The following RP1 variants were observed in gnomAD, a reference collection of about 807,000 sequenced individuals.
The protein encoded by RP1 is oxygen-regulated protein 1.
A neutral mutation model predicts 14.8 loss-of-function variants in RP1; 16 were observed. The observed-to-expected ratio is 1.08, with a 90% CI of 0.73 to 1.65. The LOEUF (loss-of-function observed/expected upper bound fraction) is 1.65, where lower values mean the gene tolerates loss of function less well. Among genes scored for constraint, RP1 ranks in the 40% most tolerant of loss-of-function variants. The pLI is 0.00. For synonymous variants in RP1, 876 were observed against 883.6 expected, an observed-to-expected ratio of 0.99 and a Z score of 0.15; for missense variants, 2,631 against 2,535.0, an observed-to-expected ratio of 1.04 and a Z score of -0.81.
In RP1 at chr8:54,621,439, T is replaced by C; in HGVS notation, c.473T>C (p.Val158Ala). The change falls in exon 2 of 4, where the codon GTC becomes GCC. Residue 158 changes from valine (V) to alanine (A), a missense_variant. Transcript: ENST00000220676. ...GMPRPPRSLVVFRNGDPKTRR... is the reference protein window; with the variant it reads ...GMPRPPRSLVAFRNGDPKTRR... ...CCCCGCCCCCCACGGAGCCTAGTGG[T>C]CTTCAGGAATGGCGACCCGAAGACG... The C allele has an allele frequency of 6.2e-7, 1 of 1,612,972 alleles. No homozygotes were observed. The highest frequency in any genetic ancestry group is 8.5e-7 in the Non-Finnish European group (1 of 1,179,816).
chr8:54,825,033 G>A (rs1458627562), intron 24 of RP1, among the ~76,000 whole-genome samples: 1 of 151,762 alleles, frequency 6.6e-6, no homozygotes, highest in East Asian at 1.9e-4. Flanking sequence ...GCAGTGGCGC[G>A]ATCTCCGCTC....
Position 54,630,259 on chromosome 8 carries a change from G to GAGGGTGAA in RP1, c.6377_6378insAGGGTGAA (p.Cys2126Ter), listed in dbSNP as rs1563333946. On this transcript the variant is annotated stop_gained and frameshift_variant, in exon 4 of 4. Coordinates refer to ENST00000220676, the MANE Select transcript of RP1 (RefSeq NM_006269.2). LOFTEE classifies it low-confidence loss of function (END_TRUNC). ...AGCAACAGAAATATTTTAGAACTTT[G>GAGGGTGAA]TATGTTTGAGGGTGAAAATCTTTTC... 1.9e-6 allele frequency: 3 copies of GAGGGTGAA among 1,613,610 alleles called. No homozygotes were observed. The highest frequency in any genetic ancestry group is 2.5e-6 in the Non-Finnish European group (3 of 1,179,836).
intron 19 of RP1, among the ~76,000 whole-genome samples, chr8:54,749,341 C>A (rs1282983412): frequency 3.3e-5 from 5 of 150,450 alleles, no homozygotes; most frequent in Admixed American, 3.3e-4. Context: ...AAAAAAAAAA[C>A]AAAACAAAAA....
chr8:54,730,610 C>A (rs1186245617), intron 17 of RP1, among the ~76,000 whole-genome samples: 1 of 152,006 alleles, frequency 6.6e-6, no homozygotes, highest in Non-Finnish European at 1.5e-5. Context: ...TCATAATATC[C>A]TTTCAGTGTA....
At chr8:54,714,907 G>C (rs1275959045) in intron 15 of RP1, among the ~76,000 whole-genome samples, 1 of 152,196 alleles carries the variant, frequency 6.6e-6, no homozygotes, top group Non-Finnish European at 1.5e-5. Flanking sequence ...TCCCCTATCA[G>C]GGGCAAATAG....
chr8:54,596,216 T>G (rs140982871), intron 1 of RP1, among the ~76,000 whole-genome samples: 104 of 152,338 alleles, frequency 6.8e-4, no homozygotes, highest in African/African-American at 2.2e-3. Context: ...TAGATCGGTT[T>G]CATCTGTTCA....
At chr8:54,570,529 A>C (rs938915154) in intron 1 of RP1, among the ~76,000 whole-genome samples, 2 of 151,754 alleles carry the variant, frequency 1.3e-5, no homozygotes, top group Non-Finnish European at 2.9e-5. Flanking sequence ...GGGTTTCACC[A>C]TCTTGGCCAG....
intron 19 of RP1, among the ~76,000 whole-genome samples, chr8:54,753,521 G>C (rs1318106031): frequency 6.6e-6 from 1 of 152,134 alleles, no homozygotes; most frequent in Non-Finnish European, 1.5e-5. Context: ...GACTCATCAC[G>C]GTAATGAGTC....
chr8:54,779,869 C>T (rs747785657), intron 23 of RP1, among the ~76,000 whole-genome samples: 4 of 152,098 alleles, frequency 2.6e-5, no homozygotes, highest in Non-Finnish European at 5.9e-5. Context: ...AATGGAGAGC[C>T]CTTATCTGTG....
intron 1 of RP1, among the ~76,000 whole-genome samples, chr8:54,607,638 A>G (rs191712579): frequency 3.3e-5 from 5 of 152,256 alleles, no homozygotes; most frequent in African/African-American, 1.2e-4. Flanking sequence ...CCCTGCCCCC[A>G]GAGGTGGAGT....
chr8:54,772,516 G>A (rs998210259), downstream of RP1, among the ~76,000 whole-genome samples: 4 of 152,090 alleles, frequency 2.6e-5, no homozygotes, highest in Admixed American at 6.6e-5. Context: ...AAGCAGTGAT[G>A]GTAACATTAA....
intron 22 of RP1, among the ~76,000 whole-genome samples, chr8:54,768,293 C>A (rs1175797502): frequency 6.6e-6 from 1 of 152,212 alleles, no homozygotes; most frequent in Non-Finnish European, 1.5e-5. Context: ...CCCATTCCTG[C>A]AATTGAGTTG....
At chr8:54,582,037 T>C (rs928733268) in intron 1 of RP1, among the ~76,000 whole-genome samples, 2 of 152,276 alleles carry the variant, frequency 1.3e-5, no homozygotes, top group African/African-American at 4.8e-5. Flanking sequence ...TTGGCTTTTG[T>C]TGCCATTGCT....
chr8:54,733,263 T>C (rs570821778), intron 17 of RP1, among the ~76,000 whole-genome samples: 3 of 152,250 alleles, frequency 2.0e-5, no homozygotes, highest in African/African-American at 7.2e-5. Context: ...ATAATTTGAC[T>C]CACCTTATGA....
At chr8:54,847,891 T>C (rs896682655) in intron 25 of RP1, among the ~76,000 whole-genome samples, 5 of 152,184 alleles carry the variant, frequency 3.3e-5, no homozygotes, top group East Asian at 1.9e-4. Flanking sequence ...GAGTAGAGAA[T>C]TGCAAAATGA....
At chr8:54,792,975 TA>T (rs1266994482) in intron 24 of RP1, among the ~76,000 whole-genome samples, 1 of 151,742 alleles carries the variant, frequency 6.6e-6, no homozygotes, top group Non-Finnish European at 1.5e-5. Context: ...AGAACTCAGA[TA>T]AATAAAATTA....
At chr8:54,742,461 C>T (rs187238962) in intron 19 of RP1, among the ~76,000 whole-genome samples, 142 of 152,140 alleles carry the variant, frequency 9.3e-4, no homozygotes, top group African/African-American at 3.3e-3. Context: ...TAGGACATGC[C>T]TATATAATGA....
chr8:54,607,746 C>G (rs2091940), intron 1 of RP1, among the ~76,000 whole-genome samples: 65,708 of 151,966 alleles, frequency 0.43, 15,503 homozygotes, highest in African/African-American at 0.59. Context: ...GGCAACGGCA[C>G]GGACCCCTCC....
At chr8:54,848,014 C>T (rs1811971307) in intron 25 of RP1, among the ~76,000 whole-genome samples, 1 of 152,180 alleles carries the variant, frequency 6.6e-6, no homozygotes, top group Non-Finnish European at 1.5e-5. Context: ...TTGATTTAAT[C>T]TGCTCTTAAT....
Sources: allele counts gnomAD v4.1 joint callset (sites outside exome capture counted in the v4.1 genomes callset), GRCh38; gene constraint gnomAD v4.1.1; transcripts MANE v1.5; gene names NCBI Gene and HGNC (gene_info 2026-07-23, HGNC 2026-07-21).